The following UBR4 variants were observed in gnomAD, a reference collection of about 807,000 sequenced individuals.
The protein encoded by UBR4 is ubiquitin protein ligase E3 component n-recognin 4.
Under a neutral mutation model 575.6 loss-of-function variants are expected in UBR4, and 124 were observed. The observed-to-expected ratio is 0.22, with a 90% confidence interval of 0.19 to 0.25. The LOEUF (loss-of-function observed/expected upper bound fraction) is 0.25, where lower values mean the gene tolerates loss of function less well. Ranked by LOEUF, UBR4 falls within the 10% of genes least tolerant of loss-of-function variation. The pLI is 1.00. For missense variants in UBR4, 4,818 were observed against 6,478.8 expected (o/e 0.74, Z 8.80); for synonymous variants, 2,455 against 2,473.7 (o/e 0.99, Z 0.22).
intron 34 of UBR4, among the ~76,000 whole-genome samples, chr1:19,163,470 GAC>G (rs1287890736): frequency 6.6e-6 from 1 of 152,226 alleles, no homozygotes; most frequent in Non-Finnish European, 1.5e-5. Flanking sequence ...TGAGCAGGGA[GAC>G]AGTTTCCCAT....
At position 19,156,814 on chromosome 1, in the gene UBR4, T is replaced by A. The variant is rs753403867; in HGVS notation, c.5872A>T (p.Thr1958Ser). ...APVPFTVLSL[T>S]GNPCKEDYLA... ...TAGTCTTCCTTGCAGGGATTTCCTG[T>A]GAGGCTCAACACAGTAAAAGGAACT... Residue 1958 changes from threonine (T) to serine (S), a missense_variant, in exon 41 of 106, where the codon ACA becomes TCA. Thr to Ser is a moderately conservative substitution (Grantham distance 58). Coordinates refer to ENST00000375254, the MANE Select transcript of UBR4 (RefSeq NM_020765.3). 2 of 1,614,156 alleles carry A rather than the reference T, an allele frequency of 1.2e-6. No homozygotes were observed. The highest frequency in any genetic ancestry group is 2.2e-5 in the South Asian group (2 of 91,082).
chr1:19,179,833 A>C (rs1472280895), intron 17 of UBR4, among the ~76,000 whole-genome samples: 1 of 152,216 alleles, frequency 6.6e-6, no homozygotes, highest in African/African-American at 2.4e-5. Flanking sequence ...GCAGGATGCC[A>C]ATGGAAAACC....
At position 19,106,725 on chromosome 1, in the gene UBR4, C is replaced by T. The variant is rs557611059; in HGVS notation, c.12237G>A (p.Gly4079=). ...TGGGGGCTTTCCCATTGCCATCTAT[C>T]CCTGCAAGGCCAAGGGTTGCAGGGG... The part of the protein sequence containing the change: ...DAWKKCLPIR[G]IDGNGKAPSK... Residue 4079 remains glycine, a splice_region_variant and synonymous_variant, in exon 83 of 106, where the codon GGG becomes GGA. Coordinates refer to ENST00000375254, the MANE Select transcript of UBR4 (RefSeq NM_020765.3). The T allele has an allele frequency of 2.5e-6, 4 of 1,595,822 alleles. No homozygotes were observed. Among genetic ancestry groups the T allele is most frequent in the Admixed American group, 1.7e-5 (1 of 58,728 alleles).
At position 19,117,844 on chromosome 1, in the gene UBR4, A is replaced by G; in HGVS notation, c.10608T>C (p.Asn3536=). 6.2e-7 allele frequency: 1 copy of G among 1,614,240 alleles called. No homozygotes were observed. The highest frequency in any genetic ancestry group is 8.5e-7 in the Non-Finnish European group (1 of 1,180,028). The part of the protein sequence containing the change: ...YLESDPCLVC[N]NPEVPFCYIK... ...TTACACAGAACGGTACTTCCGGGTT[A>G]TTACACACCAGGCAGGGATCGCTCT... Residue 3536 remains asparagine, a synonymous_variant, in exon 72 of 106, where the codon AAT becomes AAC. Coordinates refer to ENST00000375254, the MANE Select transcript of UBR4 (RefSeq NM_020765.3). This position sits in a 1 kb window ranked among gnomAD's most constrained non-coding sequence, Gnocchi z 4.0.
chr1:19,148,837 T>A (rs1450763526), intron 49 of UBR4, among the ~76,000 whole-genome samples: 2 of 152,206 alleles, frequency 1.3e-5, no homozygotes, highest in African/African-American at 4.8e-5. Context: ...GAGATCAACC[T>A]GAGGCCATGT....
In UBR4 at chr1:19,081,383, G is replaced by T; in HGVS notation, c.15199C>A (p.Gln5067Lys). ...CCACCTGGAGCCACTGCCCGAGCCT[G>T]CGAGGTCACCAACAGCCTCCGCAAG... ...EILRRLLVTSQARAVAPGGAT... is the reference protein window; with the variant it reads ...EILRRLLVTSKARAVAPGGAT... Residue 5067 changes from glutamine (Q) to lysine (K), a missense_variant, in exon 103 of 106, where the codon CAG becomes AAG. Around this residue, in one of 29 missense-constraint regions of UBR4, gnomAD observed 212 missense variants for 221.3 expected, o/e 0.96. Transcript: ENST00000375254. The T allele has an allele frequency of 6.2e-7, 1 of 1,611,362 alleles. No individual in the cohort carries two copies. Among genetic ancestry groups the T allele is most frequent in the South Asian group, 1.1e-5 (1 of 90,890 alleles).
Position 19,198,653 on chromosome 1 carries a change from G to C in UBR4, c.536C>G (p.Pro179Arg). The C allele has an allele frequency of 6.2e-7, 1 of 1,614,156 alleles. No individual in the cohort carries two copies. Among genetic ancestry groups the C allele is most frequent in the Non-Finnish European group, 8.5e-7 (1 of 1,180,022 alleles). The change falls in exon 5 of 106, where the codon CCA becomes CGA. Residue 179 changes from proline (P) to arginine (R), a missense_variant. This residue lies in a region of UBR4 where 83 missense variants were observed against 77.3 expected (regional missense o/e 1.07). Coordinates refer to ENST00000375254, the MANE Select transcript of UBR4 (RefSeq NM_020765.3). The part of the protein sequence containing the change: ...DVEDQKELAS[P>R]VSPELRQKEV... ...CTTTTGCCTCAACTCAGGGCTTACT[G>C]GTGAGGCCAGCTCTTTCTGATCTTC...
intron 61 of UBR4, 138 bp downstream of exon 61, chr1:19,128,840 T>C (rs2149644665): frequency 1.4e-6 from 1 of 717,730 alleles, no homozygotes; most frequent in Admixed American, 2.8e-5. Flanking sequence ...CTATAATTTG[T>C]AGCTCAAAAA....
At chr1:19,116,801 G>A (rs1391780060) in intron 73 of UBR4, among the ~76,000 whole-genome samples, 1 of 152,212 alleles carries the variant, frequency 6.6e-6, no homozygotes, top group Non-Finnish European at 1.5e-5. Flanking sequence ...GTGTACTAAA[G>A]AAGCTTCTTG....
rs1383530859 is a variant in UBR4, at chr1:19,164,939, G to A, written c.4371C>T (p.Ala1457=). ...LHLCGSLAQL[A]CVEPVRLQAW... is the part of the protein sequence containing the mutation. ...CCTGCAGGCGCACAGGTTCCACACA[G>A]GCCAGTTGTGCCAGGGAGCCACAGA... Residue 1457 remains alanine (A), a synonymous_variant, in exon 32 of 106, where the codon GCC becomes GCT. Transcript: ENST00000375254. 6.2e-7 allele frequency: 1 copy of A among 1,614,188 alleles called. No individual in the cohort carries two copies. Among genetic ancestry groups the A allele is most frequent in the Non-Finnish European group, 8.5e-7 (1 of 1,180,032 alleles).
At chr1:19,176,535 C>G (rs1396588049) in intron 20 of UBR4, 57 bp downstream of exon 20, 2 of 1,587,692 alleles carry the variant, frequency 1.3e-6, no homozygotes, top group Middle Eastern at 2.2e-4. Context: ...GCTTCAAATT[C>G]AACCCCACCA....
chr1:19,135,677 CA>C (rs1317609344), intron 60 of UBR4, among the ~76,000 whole-genome samples: 3 of 151,768 alleles, frequency 2.0e-5, no homozygotes, highest in Non-Finnish European at 4.4e-5. Flanking sequence ...ACAAGAAACA[CA>C]AAAGAAAAAG....
At chr1:19,105,938 G>T (rs911142837) in intron 83 of UBR4, 96 bp from the exon 84 acceptor site, 4 of 810,974 alleles carry the variant, frequency 4.9e-6, no homozygotes, top group Non-Finnish European at 7.4e-6. Flanking sequence ...ATCTAGGAGA[G>T]GTCTTCTGGG....
intron 38 of UBR4, 63 bp from the exon 39 acceptor site, chr1:19,160,344 T>C (rs2087132827): frequency 7.0e-7 from 1 of 1,433,394 alleles, no homozygotes; most frequent in Non-Finnish European, 9.3e-7. Context: ...TGGATAATAC[T>C]TGTAAAAATC....
In UBR4 at chr1:19,146,836, C is replaced by T; in HGVS notation, c.7794G>A (p.Gln2598=). The T allele has an allele frequency of 1.2e-6, 2 of 1,613,138 alleles. No homozygotes were observed. The highest frequency in any genetic ancestry group is 1.1e-5 in the South Asian group (1 of 90,894). Residue 2598 remains glutamine (Q), a synonymous_variant, in exon 52 of 106, where the codon CAG becomes CAA. Coordinates refer to ENST00000375254, the MANE Select transcript of UBR4 (RefSeq NM_020765.3). ...LVHFTESKLP[Q]METEGMDEGK... is the part of the protein sequence containing the mutation. ...AGAGGCCAAGTTCACCTGTTTCCAT[C>T]TGGGGCAGCTTTGACTCCGTAAAGT... is the stretch of plus-strand genomic sequence containing the variant.
rs563287199 is a variant in UBR4 at position 19,139,253 on chromosome 1, AAAAC to A, written c.8594-37_8594-34del. On this transcript the variant is annotated intron_variant, in intron 58 of 105. Transcript: ENST00000375254. The surrounding 1 kb of genome is among the most constrained non-coding windows in gnomAD (Gnocchi z 4.2). The stretch of plus-strand genomic sequence containing the variant: ...AGTAACGAGAGCTGTTACAGGTTAA[AAAAC>A]AAACAAACAAACAAACAAACAAAAA... The A allele has an allele frequency of 2.9e-4, 452 of 1,550,202 alleles. 1 individual carries two copies. Among genetic ancestry groups the A allele is most frequent in the South Asian group, 1.5e-3 (121 of 81,498 alleles).
intron 44 of UBR4, among the ~76,000 whole-genome samples, chr1:19,154,513 C>T (rs1332789443): frequency 6.6e-6 from 1 of 152,146 alleles, no homozygotes; most frequent in Admixed American, 6.5e-5. Flanking sequence ...CAACCATGCC[C>T]CCATTACTGA....
At chr1:19,097,003 T>C (rs1230424642) in intron 91 of UBR4, among the ~76,000 whole-genome samples, 190 bp downstream of exon 91, 1 of 152,104 alleles carries the variant, frequency 6.6e-6, no homozygotes, top group Admixed American at 6.5e-5. Flanking sequence ...TTTTTTTTTT[T>C]TTTGAACACT....
intron 87 of UBR4, among the ~76,000 whole-genome samples, chr1:19,102,446 C>T (rs1300331387): frequency 1.3e-5 from 2 of 152,006 alleles, no homozygotes; most frequent in East Asian, 3.9e-4. Context: ...GACGAAGTCA[C>T]AAACCAGCTC....
Sources: allele counts gnomAD v4.1 joint callset (sites outside exome capture counted in the v4.1 genomes callset), GRCh38; gene constraint gnomAD v4.1.1; regional missense constraint gnomAD v4.1.1; non-coding constraint Gnocchi (gnomAD v3.1); transcripts MANE v1.5; gene names NCBI Gene and HGNC (gene_info 2026-07-23, HGNC 2026-07-21).